LCORL: variants seen among roughly 807,000 people sequenced by gnomAD.
The protein encoded by LCORL is ligand-dependent nuclear receptor corepressor-like protein.
Under a neutral mutation model 141.8 loss-of-function variants are expected in LCORL, and 41 were observed. The ratio of observed to expected loss-of-function variants is 0.29; its 90% CI spans 0.23 to 0.38. LCORL has a LOEUF of 0.38. Among genes scored for constraint, LCORL ranks in the 10% least tolerant of loss-of-function variants. The pLI is 1.00. For synonymous variants in LCORL, 618 were observed against 694.1 expected, an observed-to-expected ratio of 0.89 and a Z score of 1.72; for missense variants, 1,759 against 2,035.0, an observed-to-expected ratio of 0.86 and a Z score of 2.61.
chr4:17,846,007 T>A (rs1327979474), intron 7 of LCORL, 106 bp from the exon 8 acceptor site: 1 of 848,156 alleles, frequency 1.2e-6, no homozygotes, highest in Non-Finnish European at 1.8e-6. Flanking sequence ...CTCTAAATTT[T>A]AGCATACATA....
intron 1 of LCORL, among the ~76,000 whole-genome samples, chr4:18,009,019 C>G (rs920130937): frequency 3.5e-4 from 53 of 152,164 alleles, no homozygotes; most frequent in African/African-American, 1.2e-3. Flanking sequence ...CCATTAAAAT[C>G]AGGAAATTAA....
At chr4:17,881,548 C>T in intron 6 of LCORL, 2 of 928,500 alleles carry the variant, frequency 2.2e-6, no homozygotes, top group African/African-American at 3.6e-5. Context: ...ATAATATTAC[C>T]TATAAAACTA....
chr4:17,893,127 C>A (rs1048558343), intron 5 of LCORL: 1 of 152,310 alleles, frequency 6.6e-6, no homozygotes, highest in Admixed American at 6.5e-5. Flanking sequence ...AAAACTACAC[C>A]TACTTACCAG....
chr4:17,962,241 A>C (rs1577560216), intron 3 of LCORL, among the ~76,000 whole-genome samples: 1 of 151,580 alleles, frequency 6.6e-6, no homozygotes, highest in Non-Finnish European at 1.5e-5. Flanking sequence ...CTTATTCCTT[A>C]GCAAAACTAC....
intron 1 of LCORL, among the ~76,000 whole-genome samples, chr4:17,982,506 T>G (rs6839954): frequency 0.31 from 35,829 of 115,244 alleles, 5,345 homozygotes; most frequent in African/African-American, 0.45. Context: ...GTGGTTTGAT[T>G]TGCATTTCTC....
In LCORL at chr4:17,905,704, AG is replaced by A. The variant is rs1199865138; in HGVS notation, c.682+3389del. Reference sequence around the variant, plus strand: ...AAATGTATCTACATCATTTATGGATAGATTATCTATTGGATTTATGGATTGT... The same window carrying A: ...AAATGTATCTACATCATTTATGGATAATTATCTATTGGATTTATGGATTGT... On this transcript the variant is annotated intron_variant, in intron 5 of 7. Coordinates refer to ENST00000635767, the Ensembl canonical transcript of LCORL. Among the ~76,000 whole-genome samples, 5 of 152,242 alleles carry A rather than the reference AG, an allele frequency of 3.3e-5. No individual in the cohort carries two copies. The East Asian group carries it at 9.7e-4, about 29-fold the overall frequency.
Position 17,891,953 on chromosome 4 carries a change from A to G in LCORL, c.683-5792T>C, listed in dbSNP as rs186958701. On this transcript the variant is annotated intron_variant, in intron 5 of 7. Transcript: ENST00000635767. Reference sequence around the variant, plus strand: ...TTTCTGCCTTTCCCAAGTTTCCATAATAAAAAAAATCCGTAAACTTAATTA... The same window carrying G: ...TTTCTGCCTTTCCCAAGTTTCCATAGTAAAAAAAATCCGTAAACTTAATTA... Among the ~76,000 whole-genome samples the G allele has an allele frequency of 6.4e-4, 97 of 152,310 alleles. 2 individuals carry two copies. The highest frequency in any genetic ancestry group is 1.3e-3 in the Admixed American group (20 of 15,296).
intron 5 of LCORL, among the ~76,000 whole-genome samples, chr4:17,900,137 C>T (rs1730651804): frequency 1.3e-5 from 2 of 152,032 alleles, no homozygotes; most frequent in South Asian, 4.2e-4. Flanking sequence ...AGTCAAGTGA[C>T]ATTTTAGATA....
At chr4:17,864,766 G>A (rs889231659) in intron 7 of LCORL, among the ~76,000 whole-genome samples, 10 of 152,100 alleles carry the variant, frequency 6.6e-5, no homozygotes, top group Admixed American at 5.9e-4. Flanking sequence ...CTTTAAACAT[G>A]AAGACATAAA....
chr4:17,930,714 CG>C (rs1413499796), intron 4 of LCORL, among the ~76,000 whole-genome samples: 1 of 152,072 alleles, frequency 6.6e-6, no homozygotes, highest in Admixed American at 6.5e-5. Flanking sequence ...TATTGACATA[CG>C]TGAGATTGTT....
At chr4:17,851,148 G>A (rs1723641999) in intron 7 of LCORL, among the ~76,000 whole-genome samples, 1 of 115,878 alleles carries the variant, frequency 8.6e-6, no homozygotes, top group Admixed American at 9.8e-5. Flanking sequence ...GGAGGGGGGA[G>A]GGATAGCTTT....
intron 1 of LCORL, among the ~76,000 whole-genome samples, chr4:17,983,287 T>C (rs1194663898): frequency 6.6e-6 from 1 of 152,222 alleles, no homozygotes; most frequent in African/African-American, 2.4e-5. Context: ...AATAGTTGTT[T>C]CTAGTTCTGT....
chr4:17,950,317 A>G (rs1009714003), intron 4 of LCORL, among the ~76,000 whole-genome samples: 6 of 152,194 alleles, frequency 3.9e-5, no homozygotes, highest in Non-Finnish European at 7.4e-5. Flanking sequence ...ATAATAGAAC[A>G]TGCTTATGTA....
chr4:17,936,744 T>C (rs1326328039), intron 4 of LCORL, among the ~76,000 whole-genome samples: 1 of 152,190 alleles, frequency 6.6e-6, no homozygotes, highest in African/African-American at 2.4e-5. Flanking sequence ...TTCCTTTTCA[T>C]GTATGTGTTT....
At chr4:17,893,506 A>G in intron 5 of LCORL, 5 of 985,394 alleles carry the variant, frequency 5.1e-6, no homozygotes, top group Non-Finnish European at 6.0e-6. Context: ...GAGCACTGCG[A>G]GTGTGTTTTG....
chr4:17,946,233 A>C (rs1347858140), intron 4 of LCORL, among the ~76,000 whole-genome samples: 2 of 152,028 alleles, frequency 1.3e-5, no homozygotes, highest in African/African-American at 4.8e-5. Context: ...CTGCTTTCAC[A>C]CCATCTTTTG....
At chr4:17,847,190 GCT>G (rs1159169763) in intron 7 of LCORL, among the ~76,000 whole-genome samples, 2 of 152,224 alleles carry the variant, frequency 1.3e-5, no homozygotes, top group African/African-American at 4.8e-5. Context: ...CTATTCAACA[GCT>G]CTCTAATTCA....
exon 7 of LCORL, chr4:17,873,831 C>T (rs1726635529): frequency 8.1e-7 from 1 of 1,233,930 alleles, no homozygotes; most frequent in Non-Finnish European, 1.0e-6. Flanking sequence ...GGTTTTTGAC[C>T]TCCAACTATT....
At chr4:17,955,615 GGAGA>G (rs931211653) in intron 4 of LCORL, among the ~76,000 whole-genome samples, 1 of 152,036 alleles carries the variant, frequency 6.6e-6, no homozygotes, top group Non-Finnish European at 1.5e-5. Flanking sequence ...GGAGGTTTGA[GGAGA>G]GAGAGAAAAT....
Sources: gnomAD v4.1 joint callset for allele counts (sites outside exome capture counted in the v4.1 genomes callset) on GRCh38, gnomAD v4.1.1 for gene constraint, MANE v1.5 for transcripts, NCBI Gene and HGNC (gene_info 2026-07-23, HGNC 2026-07-21) for gene names.